BST1: variants seen among roughly 807,000 people sequenced by gnomAD.
The protein encoded by BST1 is ADP-ribosyl cyclase/cyclic ADP-ribose hydrolase 2.
BST1 carries 49 observed loss-of-function variants against 40.6 expected under a neutral mutation model. The observed-to-expected ratio is 1.21, with a 90% CI of 0.96 to 1.53. The LOEUF (loss-of-function observed/expected upper bound fraction) is 1.53, where lower values mean the gene tolerates loss of function less well. Among genes scored for constraint, BST1 ranks in the 40% most tolerant of loss-of-function variants. The probability of loss-of-function intolerance (pLI) is 0.00; values close to 1 mark genes in which losing one functional copy is unlikely to be tolerated. For synonymous variants in BST1, 157 were observed against 159.3 expected (o/e 0.99, Z 0.11); for missense variants, 423 against 395.9 (o/e 1.07, Z -0.58).
the BST1 span, among the ~76,000 whole-genome samples, chr4:15,743,831 G>A: frequency 6.6e-6 from 1 of 152,220 alleles, no homozygotes; most frequent in Non-Finnish European, 1.5e-5. Flanking sequence ...GAAGATGGGA[G>A]CCAGGACTGA....
the BST1 span, among the ~76,000 whole-genome samples, chr4:15,757,695 G>T: frequency 6.6e-6 from 1 of 152,164 alleles, no homozygotes; most frequent in Non-Finnish European, 1.5e-5. Context: ...AGGCTGGAGT[G>T]CAATGGCAGG....
downstream of BST1, chr4:15,743,084 T>C (rs974304962): frequency 6.4e-6 from 1 of 155,682 alleles, no homozygotes; most frequent in African/African-American, 2.4e-5. Flanking sequence ...AACAGACCTT[T>C]TTGAAGTATG....
At chr4:15,722,177 G>A (rs1399427418) in intron 7 of BST1, among the ~76,000 whole-genome samples, 1 of 152,312 alleles carries the variant, frequency 6.6e-6, no homozygotes. Context: ...CGAGTTGTAC[G>A]TGCATACAGA....
downstream of BST1, among the ~76,000 whole-genome samples, chr4:15,741,837 C>G (rs147239409): frequency 2.0e-5 from 3 of 152,152 alleles, no homozygotes; most frequent in African/African-American, 7.2e-5. Flanking sequence ...TATTATCTCA[C>G]CTTTTACAGT....
chr4:15,754,214 C>G, the BST1 span, among the ~76,000 whole-genome samples: 1 of 152,070 alleles, frequency 6.6e-6, no homozygotes, highest in Non-Finnish European at 1.5e-5. Flanking sequence ...CGAAGACCCC[C>G]GGAAATATTG....
chr4:15,709,763 G>GT (rs1195518866), intron 3 of BST1, among the ~76,000 whole-genome samples: 1 of 152,048 alleles, frequency 6.6e-6, no homozygotes, highest in African/African-American at 2.4e-5. Flanking sequence ...TGGTGATGGG[G>GT]TTTTTTATTT....
downstream of BST1, chr4:15,743,143 T>C (rs1163170755): frequency 6.3e-6 from 1 of 157,992 alleles, no homozygotes; most frequent in East Asian, 1.9e-4. Flanking sequence ...TTCCACAAAT[T>C]ACAATGTCAG....
chr4:15,761,405 C>CT, the BST1 span, among the ~76,000 whole-genome samples: 1 of 151,912 alleles, frequency 6.6e-6, no homozygotes, highest in African/African-American at 2.4e-5. Flanking sequence ...GAGCATGAAA[C>CT]TTAAGTGAGA....
intron 3 of BST1, among the ~76,000 whole-genome samples, chr4:15,708,984 TC>T (rs1238305917): frequency 6.6e-6 from 1 of 152,214 alleles, no homozygotes; most frequent in African/African-American, 2.4e-5. Flanking sequence ...CAGACCCTCA[TC>T]TTCTAGACAG....
the BST1 span, among the ~76,000 whole-genome samples, chr4:15,759,894 A>C: frequency 1.3e-5 from 2 of 152,046 alleles, no homozygotes. Context: ...TTACACCAGA[A>C]ACCATAAACC....
the BST1 span, among the ~76,000 whole-genome samples, chr4:15,764,477 C>A: frequency 6.6e-6 from 1 of 152,024 alleles, no homozygotes; most frequent in African/African-American, 2.4e-5. Flanking sequence ...CCTAGGAAAT[C>A]AAGTAAACAT....
chr4:15,728,344 T>G (rs564081930), intron 8 of BST1, among the ~76,000 whole-genome samples: 1 of 152,308 alleles, frequency 6.6e-6, no homozygotes, highest in South Asian at 2.1e-4. Context: ...TGTTTTGGTA[T>G]TTAATTATTG....
At chr4:15,762,617 T>C in the BST1 span, among the ~76,000 whole-genome samples, 2,719 of 152,096 alleles carry the variant, frequency 0.018, 43 homozygotes, top group Middle Eastern at 0.034. Flanking sequence ...TTCCTGACAA[T>C]CAGCATTCTA....
chr4:15,768,874 C>G, the BST1 span, among the ~76,000 whole-genome samples: 3 of 152,140 alleles, frequency 2.0e-5, no homozygotes, highest in African/African-American at 7.2e-5. Flanking sequence ...GCCACAGACC[C>G]GTACCCAAGA....
chr4:15,709,707 A>C (rs1720081169), intron 3 of BST1, among the ~76,000 whole-genome samples: 1 of 152,308 alleles, frequency 6.6e-6, no homozygotes, highest in East Asian at 1.9e-4. Flanking sequence ...AGGTCAGCTA[A>C]ATAACCATAT....
chr4:15,740,577 T>A (rs1172539365), downstream of BST1, among the ~76,000 whole-genome samples: 1 of 152,178 alleles, frequency 6.6e-6, no homozygotes, highest in East Asian at 1.9e-4. Flanking sequence ...GTAGGGAGAC[T>A]AATCTATACA....
In BST1 at chr4:15,715,702, C is replaced by G. The variant is rs770655212; in HGVS notation, c.612-5C>G. On this transcript the variant is annotated splice_region_variant and splice_polypyrimidine_tract_variant and intron_variant, in intron 5 of 8. Transcript: ENST00000265016. ...TGCTTTAGGGCTTCAAGAAATGTTT[C>G]TCAGTTTTTTTGCAGATTATGAAAT... The G allele has an allele frequency of 6.4e-7, 1 of 1,573,604 alleles. No individual in the cohort carries two copies. Among genetic ancestry groups the G allele is most frequent in the Admixed American group, 1.8e-5 (1 of 54,798 alleles).
intron 8 of BST1, chr4:15,730,998 G>T: frequency 3.5e-6 from 2 of 566,550 alleles, no homozygotes; most frequent in South Asian, 2.0e-5. Flanking sequence ...TGGTGCTCTC[G>T]ATATATAAGG....
the BST1 span, chr4:15,743,487 T>A: frequency 7.8e-6 from 2 of 256,300 alleles, no homozygotes; most frequent in Non-Finnish European, 1.6e-5. Context: ...GAAAAAAAAA[T>A]TAAAGAACTA....
Sources: gnomAD v4.1 joint callset for allele counts (sites outside exome capture counted in the v4.1 genomes callset) on GRCh38, gnomAD v4.1.1 for gene constraint, MANE v1.5 for transcripts, NCBI Gene and HGNC (gene_info 2026-07-23, HGNC 2026-07-21) for gene names.